AGO2: variants seen among roughly 807,000 people sequenced by gnomAD.
AGO2 encodes the protein argonaute RISC catalytic component 2.
AGO2 carries 5 observed loss-of-function variants against 102.3 expected under a neutral mutation model. The ratio of observed to expected loss-of-function variants is 0.05; its 90% CI spans 0.03 to 0.10. The LOEUF is 0.10. Ranked by LOEUF, AGO2 falls within the 10% of genes least tolerant of loss-of-function variation. The pLI, the probability that AGO2 is intolerant of heterozygous loss-of-function variation, is 1.00. For synonymous variants in AGO2, 449 were observed against 473.1 expected, an observed-to-expected ratio of 0.95 and a Z score of 0.66; for missense variants, 541 against 1,183.7, an observed-to-expected ratio of 0.46 and a Z score of 7.97.
chr8:140,548,041 C>T (rs1416112561), intron 12 of AGO2, among the ~76,000 whole-genome samples: 4 of 152,198 alleles, frequency 2.6e-5, no homozygotes, highest in East Asian at 3.8e-4. Context: ...ACTGGCCGGG[C>T]GCGGTGGCTC....
intron 13 of AGO2, among the ~76,000 whole-genome samples, chr8:140,545,260 G>C (rs565286418): frequency 6.6e-6 from 1 of 152,048 alleles, no homozygotes; most frequent in South Asian, 2.1e-4. Flanking sequence ...GACTTCTCAC[G>C]GCCACAGCAA....
At chr8:140,564,215 C>T (rs533432335) in intron 3 of AGO2, among the ~76,000 whole-genome samples, 1 of 152,078 alleles carries the variant, frequency 6.6e-6, no homozygotes, top group Non-Finnish European at 1.5e-5. Flanking sequence ...GCCATACGCA[C>T]AGGGGATGCA....
chr8:140,610,660 A>G (rs2074064086), intron 1 of AGO2, among the ~76,000 whole-genome samples: 2 of 152,358 alleles, frequency 1.3e-5, no homozygotes, highest in South Asian at 4.1e-4. Context: ...CCCACAGCCC[A>G]AAAGAGAACA....
rs761862871 is a variant in AGO2, at chr8:140,551,277, G to A, written c.1403+26C>T. ...GCCCATCGGGCAGCACCCCCAGGCC[G>A]GAGCCTCTGCCTGTGGGGGGCTTAC... On this transcript the variant is annotated intron_variant, in intron 11 of 18. Coordinates refer to ENST00000220592, the MANE Select transcript of AGO2 (RefSeq NM_012154.5). 4.4e-5 allele frequency: 65 copies of A among 1,487,918 alleles called. 1 individual carries two copies. Among genetic ancestry groups the A allele is most frequent in the Middle Eastern group, 5.1e-4 (2 of 3,906 alleles). The allele number at this position is 1,487,918 out of a possible 1,614,324, so 92.2% of individuals were successfully genotyped here.
At chr8:140,569,878 C>A (rs1363673142) in intron 3 of AGO2, among the ~76,000 whole-genome samples, 2 of 152,190 alleles carry the variant, frequency 1.3e-5, no homozygotes, top group Non-Finnish European at 2.9e-5. Flanking sequence ...GTGACACGGG[C>A]CCCCTGTGCA....
At chr8:140,634,453 G>A (rs1385798323) in intron 1 of AGO2, among the ~76,000 whole-genome samples, 3 of 152,244 alleles carry the variant, frequency 2.0e-5, no homozygotes, top group African/African-American at 7.2e-5. Flanking sequence ...AGCGGACAAA[G>A]GGGAGCAGGC....
chr8:140,573,224 C>T (rs1371060668), intron 2 of AGO2, among the ~76,000 whole-genome samples: 1 of 151,954 alleles, frequency 6.6e-6, no homozygotes, highest in East Asian at 1.9e-4. Context: ...GGCTGGAGTG[C>T]AGTGGCACGA....
At chr8:140,561,803 G>A (rs1044460744) in intron 4 of AGO2, among the ~76,000 whole-genome samples, 4 of 152,220 alleles carry the variant, frequency 2.6e-5, no homozygotes, top group Non-Finnish European at 4.4e-5. Flanking sequence ...GCTTTGGTTC[G>A]AAAGAGATGA....
intron 16 of AGO2, among the ~76,000 whole-genome samples, chr8:140,538,444 C>T (rs998359008): frequency 2.0e-5 from 3 of 152,198 alleles, no homozygotes; most frequent in Non-Finnish European, 4.4e-5. Flanking sequence ...TTTACTTATC[C>T]TACTAGGAAT....
At position 140,523,729 on chromosome 8, in the gene AGO2, C is replaced by T. The variant is rs35962818; in HGVS notation, c.*8315G>A. On this transcript the variant is annotated 3_prime_UTR_variant, in exon 19 of 19. Coordinates refer to ENST00000220592, the MANE Select transcript of AGO2 (RefSeq NM_012154.5). ...CCTCCATACTGTAGGATTTGAGTCA[C>T]GCGTGTCTGTTTGGCTTTGAAGAGG... 0.081 allele frequency: 12,392 copies of T among 152,246 alleles called. 605 individuals carry two copies. Among genetic ancestry groups the T allele is most frequent in the Middle Eastern group, 0.12 (36 of 294 alleles). The allele number at this position is 152,246 out of a possible 1,614,324, so 9.4% of individuals were successfully genotyped here. A position where few individuals can be genotyped will look rare whatever the true frequency, so the allele number is the denominator to read the frequency against.
chr8:140,585,133 C>A lies in AGO2; in HGVS notation c.201G>T (p.Pro67=), dbSNP rs1419189708. Residue 67 remains proline, a synonymous_variant, in exon 2 of 19, where the codon CCG becomes CCT. Transcript: ENST00000220592. ...YELDIKPEKC[P]RRVNREIVEH... ...AAACGTAATACCTGTTAACTCTCCT[C>A]GGGCACTTCTCTGGCTTGATATCCA... 2 of 1,614,076 alleles carry A rather than the reference C, an allele frequency of 1.2e-6. No homozygotes were observed. Among genetic ancestry groups the A allele is most frequent in the Non-Finnish European group, 1.7e-6 (2 of 1,179,988 alleles).
Position 140,635,568 on chromosome 8 carries a change from CGCCGCGA to C in AGO2, c.-69_-63del. 2 of 970,430 alleles carry C rather than the reference CGCCGCGA, an allele frequency of 2.1e-6. No individual in the cohort carries two copies. 60.1% of individuals were successfully genotyped at this position (970,430 alleles called of 1,614,324 possible). ...GCCGCGCGCGCGCCACGGGCCCCGACGCCGCGAGCCGCGAGGGAGCCGCCGGCCGCAC... is the reference window on the plus strand; with the variant it reads ...GCCGCGCGCGCGCCACGGGCCCCGACGCCGCGAGGGAGCCGCCGGCCGCAC... On this transcript the variant is annotated 5_prime_UTR_variant, in exon 1 of 19. Transcript: ENST00000220592.
rs190620968 is a variant in AGO2 at position 140,535,642 on chromosome 8, C to A, written c.2170-73G>T. ...GCCAAGCAGGCGGGCCAGGCAGCCG[C>A]GCCGCCCGCTGGCCAGGGTGCCCTA... On this transcript the variant is annotated intron_variant, in intron 16 of 18. Coordinates refer to ENST00000220592, the MANE Select transcript of AGO2 (RefSeq NM_012154.5). The A allele has an allele frequency of 6.2e-6, 9 of 1,458,508 alleles. No homozygotes were observed. In the African/African-American group the frequency reaches 1.3e-4, roughly 20 times the overall value. The allele number at this position is 1,458,508 out of a possible 1,614,324, so 90.3% of individuals were successfully genotyped here.
At chr8:140,560,323 C>T (rs751130765) in intron 5 of AGO2, 51 bp downstream of exon 5, 17 of 1,586,008 alleles carry the variant, frequency 1.1e-5, no homozygotes, top group Admixed American at 1.7e-5. Context: ...CCTGACCCCC[C>T]AGCCCATGCC....
At chr8:140,577,692 G>A (rs1051686603) in intron 2 of AGO2, among the ~76,000 whole-genome samples, 1 of 152,160 alleles carries the variant, frequency 6.6e-6, no homozygotes, top group Non-Finnish European at 1.5e-5. Context: ...CCCAGGGATG[G>A]GGGTGGCAGG....
chr8:140,553,404 GT>G lies in AGO2; in HGVS notation c.1270-1969del, dbSNP rs1386366277. 3.9e-3 allele frequency among the ~76,000 whole-genome samples: 395 copies of G among 101,724 alleles called. 5 individuals carry two copies. Among genetic ancestry groups the G allele is most frequent in the African/African-American group, 0.016 (334 of 20,620 alleles). 66.7% of individuals were successfully genotyped at this position (101,724 alleles called of 152,430 possible). A position where few individuals can be genotyped will look rare whatever the true frequency, so the allele number is the denominator to read the frequency against. On this transcript the variant is annotated intron_variant, in intron 10 of 18. Transcript: ENST00000220592. The stretch of plus-strand genomic sequence containing the variant: ...GCCTCAAACAAGTTACAAGTTTTTT[GT>G]TTTTTGTTTTTTTTTTTTTTTGAGA...
intron 1 of AGO2, among the ~76,000 whole-genome samples, chr8:140,591,029 T>C (rs62529972): frequency 0.38 from 57,727 of 151,970 alleles, 11,480 homozygotes; most frequent in African/African-American, 0.49. Flanking sequence ...CTTGGGCCCA[T>C]GGGAAGGCTG....
chr8:140,620,285 A>T (rs2074202537), intron 1 of AGO2, among the ~76,000 whole-genome samples: 1 of 152,192 alleles, frequency 6.6e-6, no homozygotes, highest in Admixed American at 6.5e-5. Context: ...GCCGGGTAAG[A>T]GGCCTGTAGC....
At chr8:140,632,322 GGGTAGA>G (rs762113390) in intron 1 of AGO2, among the ~76,000 whole-genome samples, 5 of 152,246 alleles carry the variant, frequency 3.3e-5, no homozygotes, top group Admixed American at 6.5e-5. Context: ...ACTGCCCCAC[GGGTAGA>G]GGGTGATATC....
Sources: allele counts gnomAD v4.1 joint callset (sites outside exome capture counted in the v4.1 genomes callset), GRCh38; gene constraint gnomAD v4.1.1; transcripts MANE v1.5; gene names NCBI Gene and HGNC (gene_info 2026-07-23, HGNC 2026-07-21).